Variants in RAPSN observed in about 807,000 individuals in gnomAD.
RAPSN encodes the protein receptor associated protein of the synapse, also known as 43 kDa receptor-associated protein of the synapse.
In RAPSN, 33 loss-of-function variants were observed where a neutral mutation model predicts 45.7. The ratio of observed to expected loss-of-function variants is 0.72; its 90% CI spans 0.55 to 0.97. The LOEUF (loss-of-function observed/expected upper bound fraction) is 0.97. Ranked by LOEUF, RAPSN falls within the 50% of genes least tolerant of loss-of-function variation. RAPSN has a pLI of 0.00. For synonymous variants in RAPSN, 244 were observed against 233.6 expected (o/e 1.04, Z -0.40); for missense variants, 519 against 559.4 (o/e 0.93, Z 0.73).
intron 2 of RAPSN, among the ~76,000 whole-genome samples, chr11:47,443,955 A>AAAAAAAAG (rs1204196817): frequency 1.4e-5 from 2 of 147,880 alleles, no homozygotes; most frequent in African/African-American, 5.0e-5. Context: ...AAAAAAAAAA[A>AAAAAAAAG]AAAAGAAAAG....
At chr11:47,445,874 T>C (rs2153310424) in intron 2 of RAPSN, among the ~76,000 whole-genome samples, 1 of 152,108 alleles carries the variant, frequency 6.6e-6, no homozygotes, top group Admixed American at 6.6e-5. Context: ...ACTGAAAAGA[T>C]TTAGAAGCAC....
rs1296891027 is a variant in RAPSN at position 47,442,819 on chromosome 11, A to G, written c.532-5T>C. ...GAACAGGGCTTTCTCGTAGTCCTGC[A>G]GGGGACATGGAATGGAAGGAGGCAA... On this transcript the variant is annotated splice_region_variant and splice_polypyrimidine_tract_variant and intron_variant, in intron 2 of 7. Coordinates refer to ENST00000298854, the MANE Select transcript of RAPSN (RefSeq NM_005055.5). 2 of 1,613,836 alleles carry G rather than the reference A, an allele frequency of 1.2e-6. No homozygotes were observed. Among genetic ancestry groups the G allele is most frequent in the Non-Finnish European group, 1.7e-6 (2 of 1,180,054 alleles).
chr11:47,438,705 CCT>C, intron 7 of RAPSN, 25 bp downstream of exon 7: 1 of 1,552,576 alleles, frequency 6.4e-7, no homozygotes, highest in Non-Finnish European at 8.7e-7. Flanking sequence ...CCTGCCCACC[CCT>C]GTCCACCCCC....
chr11:47,448,045 G>A lies in RAPSN; in HGVS notation c.298C>T (p.His100Tyr). The A allele has an allele frequency of 6.2e-7, 1 of 1,614,022 alleles. No individual in the cohort carries two copies. The highest frequency in any genetic ancestry group is 8.5e-7 in the Non-Finnish European group (1 of 1,180,004). Residue 100 changes from histidine (H) to tyrosine (Y), a missense_variant, in exon 2 of 8, where the codon CAC becomes TAC. Coordinates refer to ENST00000298854, the MANE Select transcript of RAPSN (RefSeq NM_005055.5). ...ARSNEKLCEF[H>Y]KTISYCKTCL... ...GTCTTGCAGTAGGAGATGGTCTTGT[G>A]AAACTCGCACAGCTTCTCGTTGCTG...
intron 6 of RAPSN, 137 bp from the exon 7 acceptor site, chr11:47,439,068 C>G (rs1322262601): frequency 1.0e-6 from 1 of 954,228 alleles, no homozygotes; most frequent in Non-Finnish European, 1.6e-6. Flanking sequence ...ACCTTGCTTC[C>G]TTTCATGCAG....
intron 2 of RAPSN, among the ~76,000 whole-genome samples, 162 bp downstream of exon 2, chr11:47,447,650 C>T (rs2076418126): frequency 6.6e-6 from 1 of 152,200 alleles, no homozygotes; most frequent in African/African-American, 2.4e-5. Context: ...GCTTCCTGGC[C>T]AAGTTGTTAC....
chr11:47,447,896 G>C lies in RAPSN; in HGVS notation c.447C>G (p.Ala149=). The change falls in exon 2 of 8, where the codon GCC becomes GCG. Residue 149 remains alanine, a synonymous_variant. Coordinates refer to ENST00000298854, the MANE Select transcript of RAPSN (RefSeq NM_005055.5). ...FQKALESFEK[A]LRYAHNNDDA... ...CATCATTGTTGTGGGCATAGCGCAG[G>C]GCCTTCTCGAAGCTCTCCAGGGCCT... The C allele has an allele frequency of 1.2e-6, 2 of 1,613,242 alleles. No homozygotes were observed. The highest frequency in any genetic ancestry group is 1.7e-6 in the Non-Finnish European group (2 of 1,179,790).
intron 2 of RAPSN, among the ~76,000 whole-genome samples, chr11:47,443,931 C>CAAGAAAAAAA (rs2076384273): frequency 7.2e-5 from 1 of 13,952 alleles, no homozygotes; most frequent in Non-Finnish European, 1.2e-4. Flanking sequence ...CTCTGTCTCA[C>CAAGAAAAAAA]AAAAAAAAAA....
At chr11:47,442,875 G>A in intron 2 of RAPSN, 61 bp from the exon 3 acceptor site, 2 of 1,606,438 alleles carry the variant, frequency 1.2e-6, no homozygotes, top group South Asian at 1.1e-5. Context: ...CCAAGTCAAG[G>A]GCTCCTGGGC....
intron 6 of RAPSN, 66 bp downstream of exon 6, chr11:47,441,093 T>C (rs577296595): frequency 1.3e-6 from 2 of 1,599,700 alleles, no homozygotes; most frequent in African/African-American, 2.7e-5. Context: ...GGAAGGCCCT[T>C]CCCCAGACCC....
intron 2 of RAPSN, among the ~76,000 whole-genome samples, chr11:47,444,714 T>G (rs1482585095): frequency 2.0e-5 from 3 of 146,788 alleles, no homozygotes; most frequent in Non-Finnish European, 3.0e-5. Flanking sequence ...AAAAACTAGC[T>G]AGGTGTGGTG....
Position 47,442,773 on chromosome 11 carries a change from C to T in RAPSN, c.573G>A (p.Glu191=). ...AGCCTTTGCCATAGTTGTTGACAAG[C>T]TCTGCCGCCTTGCAGGGGAAGAACA... ...KALFFPCKAA[E]LVNNYGKGWS... is the part of the protein sequence containing the mutation. The change falls in exon 3 of 8, where the codon GAG becomes GAA. Residue 191 remains glutamate (E), a synonymous_variant. Coordinates refer to ENST00000298854, the MANE Select transcript of RAPSN (RefSeq NM_005055.5). 2 of 1,614,280 alleles carry T rather than the reference C, an allele frequency of 1.2e-6. No individual in the cohort carries two copies. The highest frequency in any genetic ancestry group is 1.7e-5 in the Admixed American group (1 of 60,030).
rs915337323 is a variant in RAPSN at position 47,448,012 on chromosome 11, C to T, written c.331G>A (p.Gly111Arg). 1 of 1,613,916 alleles carries T rather than the reference C, an allele frequency of 6.2e-7. No homozygotes were observed. Among genetic ancestry groups the T allele is most frequent in the African/African-American group, 1.3e-5 (1 of 74,902 alleles). The change falls in exon 2 of 8, where the codon GGG (glycine) becomes AGG (arginine). Residue 111 changes from glycine to arginine, a missense_variant. Gly to Arg is a moderately radical substitution (Grantham distance 125). Coordinates refer to ENST00000298854, the MANE Select transcript of RAPSN (RefSeq NM_005055.5). The part of the protein sequence containing the change: ...KTISYCKTCL[G>R]LPGTRAGAQL... ...GCACCTGCCCTGGTACCAGGCAGCC[C>T]AAGGCAGGTCTTGCAGTAGGAGATG...
At chr11:47,438,412 T>A (rs35705029) in intron 7 of RAPSN, 178,282 of 566,372 alleles carry the variant, frequency 0.31, 28,767 homozygotes, top group Admixed American at 0.38. Flanking sequence ...AGCCTCTGCC[T>A]CCCGGGTTCA....
At chr11:47,438,632 T>C in intron 7 of RAPSN, 100 bp downstream of exon 7, 1 of 1,403,238 alleles carries the variant, frequency 7.1e-7, no homozygotes, top group Non-Finnish European at 9.8e-7. Context: ...CAAGGTTAAG[T>C]GTTTGCTATT....
Position 47,438,834 on chromosome 11 carries a change from C to T in RAPSN, c.1064G>A (p.Cys355Tyr). The T allele has an allele frequency of 6.4e-7, 1 of 1,573,900 alleles. No individual in the cohort carries two copies. Among genetic ancestry groups the T allele is most frequent in the Non-Finnish European group, 8.6e-7 (1 of 1,158,818 alleles). ...LRAHVVRFHE[C>Y]VEETELYCGL... The stretch of plus-strand genomic sequence containing the variant: ...GCAGTAGAGCTCCGTCTCCTCCACG[C>T]ACTCGTGGAACCTCACAACGTGCGC... The change falls in exon 7 of 8, where the codon TGC (cysteine) becomes TAC (tyrosine). Residue 355 changes from cysteine to tyrosine, a missense_variant. Transcript: ENST00000298854.
chr11:47,441,476 C>T (rs767693075), intron 5 of RAPSN, 135 bp downstream of exon 5: 12 of 1,476,390 alleles, frequency 8.1e-6, no homozygotes, highest in Non-Finnish European at 1.1e-5. Context: ...TGGAAAATGA[C>T]CAGGAATGTC....
At chr11:47,446,140 C>G (rs951374555) in intron 2 of RAPSN, among the ~76,000 whole-genome samples, 5 of 151,432 alleles carry the variant, frequency 3.3e-5, no homozygotes, top group Non-Finnish European at 5.9e-5. Context: ...GCGACTCAAG[C>G]TGCTCTCAAA....
chr11:47,442,538 G>A (rs570760603), intron 3 of RAPSN, 118 bp downstream of exon 3: 26 of 1,209,966 alleles, frequency 2.1e-5, no homozygotes, highest in African/African-American at 2.0e-4. Context: ...TGGGCCAGAG[G>A]CAAGCCCTAG....
Sources: gnomAD v4.1 joint callset for allele counts (sites outside exome capture counted in the v4.1 genomes callset) on GRCh38, gnomAD v4.1.1 for gene constraint, MANE v1.5 for transcripts, NCBI Gene and HGNC (gene_info 2026-07-23, HGNC 2026-07-21) for gene names.